Variants in CNTN4 observed in about 807,000 individuals in gnomAD.
CNTN4 encodes contactin-4.
Under a neutral mutation model 122.5 loss-of-function variants are expected in CNTN4, and 77 were observed. That is an observed-to-expected ratio of 0.63 (90% CI 0.52 to 0.76). The LOEUF is 0.76. Among genes scored for constraint, CNTN4 ranks in the 30% least tolerant of loss-of-function variants. CNTN4 has a pLI of 0.00. For missense variants in CNTN4, 1,256 were observed against 1,259.1 expected (o/e 1.00, Z 0.04); for synonymous variants, 512 against 447.0 (o/e 1.15, Z -1.83).
At position 2,878,551 on chromosome 3, in the gene CNTN4, CTCTGTG is replaced by C. The variant is rs762424322; in HGVS notation, c.653-4592_653-4587del. 9.7e-3 allele frequency among the ~76,000 whole-genome samples: 627 copies of C among 64,938 alleles called. 6 individuals are homozygous for C. The highest frequency in any genetic ancestry group is 0.03 in the African/African-American group (546 of 18,480). 42.6% of individuals were successfully genotyped at this position (64,938 alleles called of 152,430 possible). On this transcript the variant is annotated intron_variant, in intron 8 of 24. Transcript: ENST00000418658. ...GTAAGAGAACAACAGAAGAGATGCT[CTCTGTG>C]TGTGTGTGTGTGTGTGTGTGTGTGT...
intron 3 of CNTN4, among the ~76,000 whole-genome samples, chr3:2,479,395 C>T (rs1223690013): frequency 6.6e-6 from 1 of 152,098 alleles, no homozygotes; most frequent in Non-Finnish European, 1.5e-5. Context: ...AGCCAGCCTG[C>T]GAATGTAACA....
At chr3:2,743,697 A>C (rs2149538834) in intron 5 of CNTN4, among the ~76,000 whole-genome samples, 1 of 152,364 alleles carries the variant, frequency 6.6e-6, no homozygotes, top group Non-Finnish European at 1.5e-5. Flanking sequence ...AGATGGCTAA[A>C]GTGAGAATAC....
intron 6 of CNTN4, among the ~76,000 whole-genome samples, chr3:2,758,955 C>T (rs1382874121): frequency 6.6e-6 from 1 of 152,178 alleles, no homozygotes; most frequent in East Asian, 1.9e-4. Context: ...ATTTTCATCC[C>T]CCTAAAGATA....
chr3:2,484,952 C>T (rs138363923), intron 3 of CNTN4, among the ~76,000 whole-genome samples: 360 of 152,278 alleles, frequency 2.4e-3, no homozygotes, highest in African/African-American at 8.2e-3. Flanking sequence ...CTGCGCTCAC[C>T]GGCCAGCGCG....
chr3:2,933,923 A>G (rs1038188688), intron 13 of CNTN4, among the ~76,000 whole-genome samples: 10 of 152,182 alleles, frequency 6.6e-5, no homozygotes, highest in African/African-American at 2.4e-4. Flanking sequence ...TGAGGAACAG[A>G]CACATTCAGA....
chr3:2,258,170 C>G (rs572070640), intron 2 of CNTN4, among the ~76,000 whole-genome samples: 1 of 152,060 alleles, frequency 6.6e-6, no homozygotes, highest in Non-Finnish European at 1.5e-5. Flanking sequence ...TCAACTATTG[C>G]GGAAGACAGT....
intron 2 of CNTN4, among the ~76,000 whole-genome samples, chr3:2,311,562 CAG>C (rs2042917488): frequency 6.6e-6 from 1 of 152,044 alleles, no homozygotes; most frequent in South Asian, 2.1e-4. Flanking sequence ...GCATTCTTGA[CAG>C]AGAATGCAGC....
chr3:2,367,087 GGT>G (rs1333470373), intron 3 of CNTN4, among the ~76,000 whole-genome samples: 2 of 151,802 alleles, frequency 1.3e-5, no homozygotes, highest in East Asian at 3.9e-4. Context: ...CTCTCTCTGT[GGT>G]GTGTGTATGT....
intron 6 of CNTN4, among the ~76,000 whole-genome samples, chr3:2,763,496 A>G: frequency 6.6e-6 from 1 of 151,962 alleles, no homozygotes; most frequent in East Asian, 1.9e-4. Context: ...ATTAAATCCC[A>G]TTTGTCAATT....
At chr3:2,843,709 T>C (rs1388056033) in intron 7 of CNTN4, among the ~76,000 whole-genome samples, 1 of 152,142 alleles carries the variant, frequency 6.6e-6, no homozygotes, top group African/African-American at 2.4e-5. Context: ...CTGCTTCACC[T>C]TCCACCTTAG....
At chr3:2,883,286 G>T (rs1229383536) in intron 9 of CNTN4, 39 bp downstream of exon 9, 2 of 1,463,034 alleles carry the variant, frequency 1.4e-6, no homozygotes, top group Non-Finnish European at 1.9e-6. Flanking sequence ...CCTCCCTTCA[G>T]CTTGAGCAGG....
At chr3:2,840,065 A>G (rs35024529) in intron 7 of CNTN4, among the ~76,000 whole-genome samples, 32,098 of 152,112 alleles carry the variant, frequency 0.21, 4,011 homozygotes, top group Non-Finnish European at 0.29. Context: ...CCCCAGGTCA[A>G]GCCTCCTCAT....
chr3:2,683,322 A>T (rs1364995138), intron 4 of CNTN4, among the ~76,000 whole-genome samples: 2 of 121,980 alleles, frequency 1.6e-5, no homozygotes, highest in Non-Finnish European at 3.2e-5. Context: ...TCACCTGCAC[A>T]CATGTACACA....
chr3:2,335,505 T>C (rs73807727), intron 2 of CNTN4, among the ~76,000 whole-genome samples: 11,660 of 151,786 alleles, frequency 0.077, 511 homozygotes, highest in Middle Eastern at 0.086. Flanking sequence ...GAGAGACTAT[T>C]AGCCAATCAA....
chr3:2,939,460 T>C (rs536259845), intron 13 of CNTN4, among the ~76,000 whole-genome samples: 9 of 152,260 alleles, frequency 5.9e-5, no homozygotes, highest in Non-Finnish European at 7.4e-5. Context: ...AATTCAGCTG[T>C]CCTTCCCACA....
At chr3:2,232,956 T>C (rs1285563320) in intron 2 of CNTN4, among the ~76,000 whole-genome samples, 2 of 152,128 alleles carry the variant, frequency 1.3e-5, no homozygotes, top group African/African-American at 4.8e-5. Flanking sequence ...AGATTCTACT[T>C]TTATGAATAG....
chr3:2,224,920 G>C (rs746831703), intron 2 of CNTN4, among the ~76,000 whole-genome samples: 15 of 152,064 alleles, frequency 9.9e-5, no homozygotes, highest in Admixed American at 8.5e-4. Context: ...GGAGGCCGAG[G>C]CGGGTGGATC....
intron 3 of CNTN4, among the ~76,000 whole-genome samples, chr3:2,515,742 C>G (rs979291870): frequency 1.3e-5 from 2 of 152,038 alleles, no homozygotes; most frequent in Non-Finnish European, 2.9e-5. Flanking sequence ...TGTGAATACA[C>G]TTCATTTGAG....
chr3:2,359,426 A>G (rs1255393229), intron 3 of CNTN4, among the ~76,000 whole-genome samples: 4 of 152,250 alleles, frequency 2.6e-5, no homozygotes, highest in Admixed American at 6.5e-5. Context: ...GATAGAAGTT[A>G]CATAAACATG....
Sources: gnomAD v4.1 joint callset for allele counts (sites outside exome capture counted in the v4.1 genomes callset) on GRCh38, gnomAD v4.1.1 for gene constraint, MANE v1.5 for transcripts, NCBI Gene and HGNC (gene_info 2026-07-23, HGNC 2026-07-21) for gene names.